SBSPON: variants seen among roughly 807,000 people sequenced by gnomAD.
The protein encoded by SBSPON is somatomedin-B and thrombospondin type-1 domain-containing protein.
Under a neutral mutation model 35.8 loss-of-function variants are expected in SBSPON, and 30 were observed. That is an observed-to-expected ratio of 0.84 (90% CI 0.63 to 1.14). The LOEUF (loss-of-function observed/expected upper bound fraction) is 1.14. Ranked by LOEUF, SBSPON falls within the 50% of genes most tolerant of loss-of-function variation. SBSPON has a pLI of 0.00. For synonymous variants in SBSPON, 136 were observed against 135.9 expected, an observed-to-expected ratio of 1.00 and a Z score of 0.00; for missense variants, 364 against 357.7, an observed-to-expected ratio of 1.02 and a Z score of -0.14.
At chr8:73,071,374 A>G (rs78175211) in intron 3 of SBSPON, among the ~76,000 whole-genome samples, 8,995 of 152,252 alleles carry the variant, frequency 0.059, 290 homozygotes, top group African/African-American at 0.093. Flanking sequence ...CGTGAAGGTG[A>G]CTTCCAGCCT....
At chr8:73,068,630 T>A (rs1009296731) in intron 4 of SBSPON, among the ~76,000 whole-genome samples, 1 of 152,198 alleles carries the variant, frequency 6.6e-6, no homozygotes. Context: ...TTGGAGTCAA[T>A]TATTTCAGAG....
At chr8:73,076,460 A>C (rs1810596485) in intron 2 of SBSPON, among the ~76,000 whole-genome samples, 1 of 152,164 alleles carries the variant, frequency 6.6e-6, no homozygotes, top group Non-Finnish European at 1.5e-5. Flanking sequence ...GAACTTGGCC[A>C]GCAGGGCGAA....
At chr8:73,092,649 G>C (rs1049473291) in intron 1 of SBSPON, among the ~76,000 whole-genome samples, 1 of 152,074 alleles carries the variant, frequency 6.6e-6, no homozygotes, top group Non-Finnish European at 1.5e-5. Context: ...GGGGTGGGGG[G>C]ACACTTCGAT....
In SBSPON at chr8:73,069,876, A is replaced by C. The variant is rs1202035586; in HGVS notation, c.606T>G (p.Cys202Trp). 6.2e-7 allele frequency: 1 copy of C among 1,613,852 alleles called. No homozygotes were observed. The highest frequency in any genetic ancestry group is 1.3e-5 in the African/African-American group (1 of 74,922). Residue 202 changes from cysteine to tryptophan, a missense_variant, in exon 4 of 5, where the codon TGT (cysteine) becomes TGG (tryptophan). By Grantham distance (215) the Cys-to-Trp change is radical. Coordinates refer to ENST00000297354, the MANE Select transcript of SBSPON (RefSeq NM_153225.4). The stretch of plus-strand genomic sequence containing the variant: ...TCATAGCTGGAGGCTGACAATCCAC[A>C]CACACCGTGTATCCCTCTCGGAGAT... ...MQYLREGYTV[C>W]VDCQPPAMNS...
Position 73,092,927 on chromosome 8 carries a change from G to A in SBSPON, c.141C>T (p.Tyr47=), listed in dbSNP as rs772167813. The change falls in exon 1 of 5, where the codon TAC becomes TAT. Residue 47 remains tyrosine, a synonymous_variant. Coordinates refer to ENST00000297354, the MANE Select transcript of SBSPON (RefSeq NM_153225.4). ...FARGWRLDRV[Y]GTCFCDQACR... ...AGGCTTGGTCGCAGAAACACGTCCC[G>A]TAGACCCTGTCCAGCCTCCAGCCGC... 4 of 1,610,592 alleles carry A rather than the reference G, an allele frequency of 2.5e-6. No homozygotes were observed. The highest frequency in any genetic ancestry group is 3.4e-6 in the Non-Finnish European group (4 of 1,179,128).
At chr8:73,074,068 C>G (rs1326755590) in intron 2 of SBSPON, among the ~76,000 whole-genome samples, 1 of 152,194 alleles carries the variant, frequency 6.6e-6, no homozygotes, top group African/African-American at 2.4e-5. Context: ...TTCTCCCATA[C>G]ATTTTCATTT....
At chr8:73,078,876 C>T (rs1234585339) in intron 2 of SBSPON, among the ~76,000 whole-genome samples, 1 of 152,030 alleles carries the variant, frequency 6.6e-6, no homozygotes, top group Admixed American at 6.6e-5. Context: ...ATCTTCTCCC[C>T]GGCAAAGAAC....
intron 3 of SBSPON, among the ~76,000 whole-genome samples, chr8:73,070,827 C>T (rs1810481336): frequency 6.6e-6 from 1 of 152,110 alleles, no homozygotes; most frequent in Admixed American, 6.6e-5. Context: ...TAATTTCTTA[C>T]CCATACAATT....
At chr8:73,084,190 C>T (rs1810773282) in intron 1 of SBSPON, among the ~76,000 whole-genome samples, 1 of 152,198 alleles carries the variant, frequency 6.6e-6, no homozygotes, top group South Asian at 2.1e-4. Context: ...AGTCCTTGCC[C>T]ATTTACCAAC....
chr8:73,073,980 A>G (rs1188112609), intron 2 of SBSPON, among the ~76,000 whole-genome samples: 2 of 152,254 alleles, frequency 1.3e-5, no homozygotes, highest in Non-Finnish European at 2.9e-5. Context: ...AAAGAACAAG[A>G]GAGTGCATGT....
chr8:73,088,544 C>T (rs1810875890), intron 1 of SBSPON, among the ~76,000 whole-genome samples: 2 of 152,148 alleles, frequency 1.3e-5, no homozygotes, highest in African/African-American at 2.4e-5. Context: ...CTTGGCAGCA[C>T]ACGTCTGCAG....
intron 1 of SBSPON, among the ~76,000 whole-genome samples, chr8:73,082,147 T>G (rs1404881092): frequency 6.6e-6 from 1 of 152,204 alleles, no homozygotes; most frequent in Non-Finnish European, 1.5e-5. Flanking sequence ...AAATGCAATT[T>G]CCTCACCATG....
chr8:73,090,108 G>A (rs142580454), intron 1 of SBSPON, among the ~76,000 whole-genome samples: 495 of 152,304 alleles, frequency 3.3e-3, no homozygotes, highest in Non-Finnish European at 5.4e-3. Flanking sequence ...AAACTCCTGA[G>A]CTCAGGCAAT....
Position 73,093,002 on chromosome 8 carries a change from G to C in SBSPON, c.66C>G (p.Cys22Trp). Residue 22 changes from cysteine (C) to tryptophan (W), a missense_variant, in exon 1 of 5, where the codon TGC (cysteine) becomes TGG (tryptophan). Physicochemically the swap from Cys to Trp is radical, Grantham distance 215. Coordinates refer to ENST00000297354, the MANE Select transcript of SBSPON (RefSeq NM_153225.4). ...CGGGACAGCAGCGCCCGGCCTCGGC[G>C]CAGCCGGCCTGGGCCCCGGGCCACA... ...SRLWPGAQAGCAEAGRCCPGR... is the reference protein window; with the variant it reads ...SRLWPGAQAGWAEAGRCCPGR... 6.7e-7 allele frequency: 1 copy of C among 1,499,646 alleles called. No homozygotes were observed. The highest frequency in any genetic ancestry group is 8.9e-7 in the Non-Finnish European group (1 of 1,127,782). The allele number at this position is 1,499,646 out of a possible 1,614,324, so 92.9% of individuals were successfully genotyped here.
In SBSPON at chr8:73,082,144, A is replaced by G. The variant is rs531224350; in HGVS notation, c.215-931T>C. 5.9e-5 allele frequency among the ~76,000 whole-genome samples: 9 copies of G among 152,300 alleles called. No homozygotes were observed. In the South Asian group the frequency reaches 1.7e-3, roughly 28 times the overall value. ...TCTGAAGATGTAATTTAAAAATGCA[A>G]TTTCCTCACCATGACCATAAAATCA... On this transcript the variant is annotated intron_variant, in intron 1 of 4. Coordinates refer to ENST00000297354, the MANE Select transcript of SBSPON (RefSeq NM_153225.4).
rs138795871 is a variant in SBSPON, at chr8:73,083,774, C to T, written c.215-2561G>A. On this transcript the variant is annotated intron_variant, in intron 1 of 4. Coordinates refer to ENST00000297354, the MANE Select transcript of SBSPON (RefSeq NM_153225.4). ...TGGCACCTAGGAGCGGCATGGTGGCCTTTGACTCCAAGTTTGTCACAGCTT... is the reference window on the plus strand; with the variant it reads ...TGGCACCTAGGAGCGGCATGGTGGCTTTTGACTCCAAGTTTGTCACAGCTT... 2.0e-5 allele frequency: 3 copies of T among 152,356 alleles called. No homozygotes were observed. In the East Asian group the frequency reaches 5.8e-4, roughly 29 times the overall value. The allele number at this position is 152,356 out of a possible 1,614,324, so 9.4% of individuals were successfully genotyped here.
intron 2 of SBSPON, chr8:73,075,827 C>T: frequency 5.6e-6 from 4 of 717,712 alleles, no homozygotes; most frequent in Non-Finnish European, 6.8e-6. Flanking sequence ...GCACATTGAT[C>T]TCCTTTTAGG....
At chr8:73,086,770 A>T (rs1015546661) in intron 1 of SBSPON, among the ~76,000 whole-genome samples, 32 of 152,222 alleles carry the variant, frequency 2.1e-4, no homozygotes, top group African/African-American at 7.7e-4. Context: ...AGATATGAAT[A>T]AAAAAGATAA....
intron 2 of SBSPON, among the ~76,000 whole-genome samples, chr8:73,076,679 G>A (rs1402949494): frequency 1.3e-5 from 2 of 151,866 alleles, no homozygotes; most frequent in Admixed American, 6.6e-5. Flanking sequence ...ATGTGGCAAC[G>A]GAAGAAAGGC....
Sources: allele counts gnomAD v4.1 joint callset (sites outside exome capture counted in the v4.1 genomes callset), GRCh38; gene constraint gnomAD v4.1.1; transcripts MANE v1.5; gene names NCBI Gene and HGNC (gene_info 2026-07-23, HGNC 2026-07-21).